Variants in TSNAX observed in about 807,000 individuals in gnomAD.
TSNAX encodes translin associated factor X.
A neutral mutation model predicts 33.0 loss-of-function variants in TSNAX; 12 were observed. The ratio of observed to expected loss-of-function variants is 0.36; its 90% CI spans 0.23 to 0.59. The LOEUF is 0.59. Among genes scored for constraint, TSNAX ranks in the 20% least tolerant of loss-of-function variants. TSNAX has a pLI of 0.74. For synonymous variants in TSNAX, 110 were observed against 117.2 expected (o/e 0.94, Z 0.40); for missense variants, 267 against 341.3 (o/e 0.78, Z 1.72).
At chr1:231,531,859 T>G (rs1456498124) in intron 2 of TSNAX, among the ~76,000 whole-genome samples, 2 of 151,954 alleles carry the variant, frequency 1.3e-5, no homozygotes, top group Admixed American at 1.3e-4. Context: ...ATTCAGGAAG[T>G]TTATACTTGA....
At chr1:231,534,437 G>C (rs891983387) in intron 2 of TSNAX, 8 of 152,188 alleles carry the variant, frequency 5.3e-5, no homozygotes, top group Non-Finnish European at 8.8e-5. Flanking sequence ...GTATTTGTAA[G>C]GTAACTTAGA....
intron 2 of TSNAX, among the ~76,000 whole-genome samples, chr1:231,531,051 T>C (rs1420855382): frequency 6.6e-6 from 1 of 151,098 alleles, no homozygotes; most frequent in South Asian, 2.1e-4. Flanking sequence ...CTCTGCCTCC[T>C]GGGCTCAAGC....
intron 4 of TSNAX, 90 bp from the exon 5 acceptor site, chr1:231,561,038 C>T (rs1661081182): frequency 1.4e-5 from 18 of 1,310,540 alleles, no homozygotes; most frequent in Admixed American, 2.4e-5. Flanking sequence ...TTTTTTTGAA[C>T]TAGATGATGA....
At chr1:231,542,393 T>C (rs1205357748) in intron 3 of TSNAX, 88 bp from the exon 4 acceptor site, 1 of 1,405,878 alleles carries the variant, frequency 7.1e-7, no homozygotes, top group Non-Finnish European at 9.8e-7. Flanking sequence ...GCATACAATA[T>C]TTAGCCCTAT....
chr1:231,553,122 T>G (rs1335450385), intron 4 of TSNAX, among the ~76,000 whole-genome samples: 2 of 152,156 alleles, frequency 1.3e-5, no homozygotes, highest in Non-Finnish European at 2.9e-5. Flanking sequence ...AGGAGCGGAA[T>G]TACCGAATCA....
chr1:231,564,175 A>G (rs1661286720), intron 5 of TSNAX, among the ~76,000 whole-genome samples: 1 of 152,226 alleles, frequency 6.6e-6, no homozygotes, highest in Non-Finnish European at 1.5e-5. Context: ...ATGGTTTTTC[A>G]TTTAAGAAAG....
chr1:231,542,578 G>C lies in TSNAX; in HGVS notation c.334G>C (p.Asp112His). 6.2e-7 allele frequency: 1 copy of C among 1,614,056 alleles called. No homozygotes were observed. Among genetic ancestry groups the C allele is most frequent in the Non-Finnish European group, 8.5e-7 (1 of 1,179,974 alleles). Residue 112 changes from aspartate (D) to histidine (H), a missense_variant, in exon 4 of 6, where the codon GAT (aspartate) becomes CAT (histidine). This residue lies in a region of TSNAX where 200 missense variants were observed against 214.1 expected (regional missense o/e 0.93). Transcript: ENST00000366639. ...GGTAGCCCAAGAGCTATCAGGGGAAGATATGCATCAGTTCCATCGAGCCAT... is the reference window on the plus strand; with the variant it reads ...GGTAGCCCAAGAGCTATCAGGGGAACATATGCATCAGTTCCATCGAGCCAT... The part of the protein sequence containing the change: ...FQVAQELSGE[D>H]MHQFHRAITT...
At chr1:231,560,274 C>T (rs1054137130) in intron 4 of TSNAX, among the ~76,000 whole-genome samples, 24 of 151,672 alleles carry the variant, frequency 1.6e-4, no homozygotes, top group African/African-American at 5.6e-4. Context: ...CCATCGTGAA[C>T]GGCCCAAATG....
At chr1:231,556,103 T>C (rs1660678193) in intron 4 of TSNAX, among the ~76,000 whole-genome samples, 1 of 152,202 alleles carries the variant, frequency 6.6e-6, no homozygotes, top group Non-Finnish European at 1.5e-5. Flanking sequence ...TATGGTAAAA[T>C]ATCATGCATT....
intron 4 of TSNAX, among the ~76,000 whole-genome samples, chr1:231,560,584 T>A (rs990154925): frequency 6.6e-6 from 1 of 151,226 alleles, no homozygotes; most frequent in African/African-American, 2.4e-5. Context: ...CCGGCTAATA[T>A]TTTTTGTATT....
chr1:231,531,204 C>A (rs552726188), intron 2 of TSNAX, among the ~76,000 whole-genome samples: 1 of 152,008 alleles, frequency 6.6e-6, no homozygotes, highest in Non-Finnish European at 1.5e-5. Context: ...GCAGTCTGCC[C>A]GTCTCGGCCT....
chr1:231,546,901 A>AT (rs2124914245), intron 4 of TSNAX, among the ~76,000 whole-genome samples: 1 of 152,148 alleles, frequency 6.6e-6, no homozygotes, highest in South Asian at 2.1e-4. Context: ...GCGCCTGAGG[A>AT]TTTTATGCAC....
intron 5 of TSNAX, among the ~76,000 whole-genome samples, chr1:231,564,136 A>G (rs936648984): frequency 1.3e-5 from 2 of 152,216 alleles, no homozygotes; most frequent in East Asian, 3.9e-4. Context: ...TTAGGAAAAC[A>G]TTAATGGATC....
Position 231,561,171 on chromosome 1 carries a change from CA to C in TSNAX, c.415del (p.Thr139HisfsTer4). 1 of 1,609,844 alleles carries C rather than the reference CA, an allele frequency of 6.2e-7. No individual in the cohort carries two copies. The highest frequency in any genetic ancestry group is 8.5e-7 in the Non-Finnish European group (1 of 1,177,964). ...AAGCTGTCTCTTTTCAACACTTCAT[CA>C]AAACACGATCATTAATTAGTATGGA... is the stretch of plus-strand genomic sequence containing the variant. ...VEAVSFQHFI[K>X]TRSLISMDEI... is the part of the protein sequence containing the mutation. On this transcript the variant is annotated frameshift_variant, in exon 5 of 6. Coordinates refer to ENST00000366639, the MANE Select transcript of TSNAX (RefSeq NM_005999.3). LOFTEE classifies it high-confidence loss of function.
At chr1:231,546,948 T>C (rs1381916673) in intron 4 of TSNAX, among the ~76,000 whole-genome samples, 1 of 152,160 alleles carries the variant, frequency 6.6e-6, no homozygotes, top group East Asian at 1.9e-4. Flanking sequence ...TCTGCCCACA[T>C]TTTGTTGGCT....
At chr1:231,528,908 C>T (rs1658448277) in intron 1 of TSNAX, 82 bp downstream of exon 1, 2 of 1,571,450 alleles carry the variant, frequency 1.3e-6, no homozygotes, top group East Asian at 2.2e-5. Context: ...CCCCTTTTCA[C>T]CCTTGAAGGA....
At chr1:231,535,694 G>C (rs1162618033) in intron 2 of TSNAX, 2 of 152,186 alleles carry the variant, frequency 1.3e-5, no homozygotes, top group African/African-American at 2.4e-5. Flanking sequence ...ATTAAGTGCT[G>C]ATCGAATACA....
intron 4 of TSNAX, among the ~76,000 whole-genome samples, chr1:231,560,857 AC>A (rs1661065273): frequency 6.6e-6 from 1 of 150,770 alleles, no homozygotes; most frequent in Admixed American, 6.6e-5. Context: ...TTGGGGTTTT[AC>A]TGTGTTGGCC....
intron 4 of TSNAX, among the ~76,000 whole-genome samples, chr1:231,552,959 A>G (rs1558132361): frequency 6.6e-6 from 1 of 152,246 alleles, no homozygotes. Flanking sequence ...AGTCTGTTTT[A>G]TGGATATACT....
Sources: gnomAD v4.1 joint callset for allele counts (sites outside exome capture counted in the v4.1 genomes callset) on GRCh38, gnomAD v4.1.1 for gene constraint, gnomAD v4.1.1 regional missense constraint, MANE v1.5 for transcripts, NCBI Gene and HGNC (gene_info 2026-07-23, HGNC 2026-07-21) for gene names.